FBF1: variants seen among roughly 807,000 people sequenced by gnomAD.
FBF1 encodes the protein fas-binding factor 1.
In FBF1, 119 loss-of-function variants were observed where a neutral mutation model predicts 147.2. That is an observed-to-expected ratio of 0.81 (90% CI 0.70 to 0.94). FBF1 has a LOEUF of 0.94. FBF1 is among the 40% of genes least tolerant of loss of function. The pLI is 0.00. For missense variants in FBF1, 1,449 were observed against 1,500.8 expected (o/e 0.97, Z 0.57); for synonymous variants, 601 against 609.0 (o/e 0.99, Z 0.19).
At chr17:75,933,879 T>G (rs185458115) in intron 4 of FBF1, among the ~76,000 whole-genome samples, 1 of 152,292 alleles carries the variant, frequency 6.6e-6, no homozygotes, top group Non-Finnish European at 1.5e-5. Context: ...TTACACCCTC[T>G]AGGATGGCAA....
chr17:75,920,835 G>T (rs1049964085), intron 17 of FBF1, among the ~76,000 whole-genome samples: 5 of 150,808 alleles, frequency 3.3e-5, no homozygotes, highest in East Asian at 1.9e-4. Context: ...ACTCCTGGGG[G>T]GGGGGGGGGC....
chr17:75,921,845 G>GACGGGA, intron 15 of FBF1, 100 bp downstream of exon 15: 1 of 1,087,320 alleles, frequency 9.2e-7, no homozygotes, highest in Non-Finnish European at 1.3e-6. Context: ...CGGGGACGGG[G>GACGGGA]CAGGGGCAGG....
intron 29 of FBF1, among the ~76,000 whole-genome samples, chr17:75,911,838 G>A (rs2065458372): frequency 6.6e-6 from 1 of 151,962 alleles, no homozygotes; most frequent in Non-Finnish European, 1.5e-5. Context: ...ATTTTGTAGA[G>A]ACGGTGTCTC....
Position 75,928,250 on chromosome 17 carries a change from CCACCTGAGAGAGATGGGCTGTTGG to C in FBF1, c.280-81_280-58del, listed in dbSNP as rs2065574216. On this transcript the variant is annotated intron_variant, in intron 7 of 29. Transcript: ENST00000636174. This position sits in a 1 kb window ranked among gnomAD's most constrained non-coding sequence, Gnocchi z 4.2. ...ATGTCTGATAAGGGGCTGAGGACTTCCACCTGAGAGAGATGGGCTGTTGGCACCCCAGGTGTAGAATTGTGAGAA... is the reference window on the plus strand; with the variant it reads ...ATGTCTGATAAGGGGCTGAGGACTTCCACCCCAGGTGTAGAATTGTGAGAA... 5 of 1,445,380 alleles carry C rather than the reference CCACCTGAGAGAGATGGGCTGTTGG, an allele frequency of 3.5e-6. No homozygotes were observed. Among genetic ancestry groups the C allele is most frequent in the Non-Finnish European group, 4.9e-6 (5 of 1,029,876 alleles). 89.5% of individuals were successfully genotyped at this position (1,445,380 alleles called of 1,614,324 possible).
rs2065532972 is a variant in FBF1 at position 75,922,321 on chromosome 17, G to C, written c.1425-275C>G. ...GACAACGGAAATGTTATAGACACTG[G>C]AGTCAAGTTCAAGTTCAGAGCCCTG... On this transcript the variant is annotated intron_variant, in intron 14 of 29. Coordinates refer to ENST00000636174, the MANE Select transcript of FBF1 (RefSeq NM_001319193.2). This position sits in a 1 kb window ranked among gnomAD's most constrained non-coding sequence, Gnocchi z 5.0. Among the ~76,000 whole-genome samples the C allele has an allele frequency of 1.3e-5, 2 of 152,100 alleles. No homozygotes were observed. The highest frequency in any genetic ancestry group is 6.6e-5 in the Admixed American group (1 of 15,266).
chr17:75,918,369 C>A lies in FBF1; in HGVS notation c.2139-100G>T. 2 of 945,590 alleles carry A rather than the reference C, an allele frequency of 2.1e-6. 1 individual carries two copies. 58.6% of individuals were successfully genotyped at this position (945,590 alleles called of 1,614,324 possible). On this transcript the variant is annotated intron_variant, in intron 20 of 29. Transcript: ENST00000636174. This position sits in a 1 kb window ranked among gnomAD's most constrained non-coding sequence, Gnocchi z 5.8. Reference sequence around the variant, plus strand: ...TGTGTTTCCGTGCAGCCCTTGCTCCCAGGCCTCTCCTCCGCCGGGCACTGC... The same window carrying A: ...TGTGTTTCCGTGCAGCCCTTGCTCCAAGGCCTCTCCTCCGCCGGGCACTGC...
At chr17:75,924,496 C>T (rs1302823323) in intron 13 of FBF1, among the ~76,000 whole-genome samples, 4 of 152,068 alleles carry the variant, frequency 2.6e-5, no homozygotes, top group South Asian at 2.1e-4. Context: ...TTTTTTGAGA[C>T]GGAGTCTCGC....
intron 6 of FBF1, among the ~76,000 whole-genome samples, chr17:75,930,690 G>A (rs938666035): frequency 1.7e-4 from 26 of 152,178 alleles, no homozygotes; most frequent in African/African-American, 5.1e-4. Context: ...TTGAGAGGCC[G>A]ATGTGGGTGG....
intron 23 of FBF1, among the ~76,000 whole-genome samples, 194 bp from the exon 24 acceptor site, chr17:75,915,333 G>C (rs2065482274): frequency 6.6e-6 from 1 of 152,190 alleles, no homozygotes; most frequent in South Asian, 2.1e-4. Context: ...CTGCCCAAGA[G>C]AAGGACCCAG....
At position 75,917,803 on chromosome 17, in the gene FBF1, GCTC is replaced by G. The variant is rs1211126845; in HGVS notation, c.2431_2433del (p.Glu811del). ...CCGATGACCTCCTGTTGCCGGCTCC[GCTC>G]CTCCTCCATGTCCCGCTGCTGCTGG... On this transcript the variant is annotated inframe_deletion, in exon 23 of 30. Transcript: ENST00000636174. The G allele has an allele frequency of 6.2e-7, 1 of 1,609,344 alleles. No homozygotes were observed. The highest frequency in any genetic ancestry group is 1.3e-5 in the African/African-American group (1 of 74,820).
chr17:75,910,023 C>T lies in FBF1; in HGVS notation c.*700G>A. 3.0e-6 allele frequency: 2 copies of T among 667,976 alleles called. No homozygotes were observed. The highest frequency in any genetic ancestry group is 5.5e-6 in the Non-Finnish European group (2 of 362,994). 41.4% of individuals were successfully genotyped at this position (667,976 alleles called of 1,614,324 possible). A position where few individuals can be genotyped will look rare whatever the true frequency, so the allele number is the denominator to read the frequency against. ...TTCCCTCCTCGTCCCTCCCCACACCCCACCATCGCCACAGCTCCCTCCGCC... is the reference window on the plus strand; with the variant it reads ...TTCCCTCCTCGTCCCTCCCCACACCTCACCATCGCCACAGCTCCCTCCGCC... On this transcript the variant is annotated 3_prime_UTR_variant, in exon 30 of 30. Coordinates refer to ENST00000636174, the MANE Select transcript of FBF1 (RefSeq NM_001319193.2). The surrounding 1 kb of genome is among the most constrained non-coding windows in gnomAD (Gnocchi z 4.1).
Position 75,925,353 on chromosome 17 carries a change from G to T in FBF1, c.962C>A (p.Ser321Tyr). 6.2e-7 allele frequency: 1 copy of T among 1,612,568 alleles called. No homozygotes were observed. Among genetic ancestry groups the T allele is most frequent in the South Asian group, 1.1e-5 (1 of 90,952 alleles). ...SSEGRQSRRQ[S>Y]VSRFFADSGA... ...TCCTGCAGGCCCCACTTACCTGACA[G>T]ACTGCCGGCGGGACTGCCGGCCCTC... The change falls in exon 13 of 30, where the codon TCT becomes TAT. Residue 321 changes from serine (S) to tyrosine (Y), a missense_variant. Physicochemically the swap from Ser to Tyr is moderately radical, Grantham distance 144. Transcript: ENST00000636174. This position sits in a 1 kb window ranked among gnomAD's most constrained non-coding sequence, Gnocchi z 5.0.
rs34602242 is a variant in FBF1, at chr17:75,938,555, CAAAAAA to C, written c.-83-329_-83-324del. Among the ~76,000 whole-genome samples the C allele has an allele frequency of 8.9e-3, 522 of 58,876 alleles. 3 individuals are homozygous for C. The highest frequency in any genetic ancestry group is 0.025 in the African/African-American group (385 of 15,322). 38.6% of individuals were successfully genotyped at this position (58,876 alleles called of 152,430 possible). A position where few individuals can be genotyped will look rare whatever the true frequency, so the allele number is the denominator to read the frequency against. On this transcript the variant is annotated intron_variant, in intron 1 of 29. Coordinates refer to ENST00000636174, the MANE Select transcript of FBF1 (RefSeq NM_001319193.2). ...TAGGCAACAGAGTGAGACTCCATCT[CAAAAAA>C]AAAAAAAAAAAAAAAAGAGACCGGG...
Position 75,928,179 on chromosome 17 carries a change from C to A in FBF1, c.294G>T (p.Met98Ile). The A allele has an allele frequency of 6.2e-7, 1 of 1,613,858 alleles. No individual in the cohort carries two copies. Among genetic ancestry groups the A allele is most frequent in the African/African-American group, 1.3e-5 (1 of 75,024 alleles). Residue 98 changes from methionine to isoleucine, a missense_variant, in exon 8 of 30, where the codon ATG becomes ATT. Coordinates refer to ENST00000636174, the MANE Select transcript of FBF1 (RefSeq NM_001319193.2). This position sits in a 1 kb window ranked among gnomAD's most constrained non-coding sequence, Gnocchi z 4.2. ...TCTTCAGACCTAAGATATCAGCATC[C>A]ATGCCGTCCAGGTCCTAGAAAACCA... Reference protein sequence around the residue: ...LLQAMKDLDGMDADILGLKKS... With the variant: ...LLQAMKDLDGIDADILGLKKS...
At position 75,940,977 on chromosome 17, in the gene FBF1, C is replaced by T. The variant is rs2065660572; in HGVS notation, c.-213G>A. ...GACCAGCGCCGGCCCTGGCTCCATT[C>T]GGGTCGCCCAGCCCGGCCAGGACTG... On this transcript the variant is annotated 5_prime_UTR_variant, in exon 1 of 30. Transcript: ENST00000636174. The T allele has an allele frequency of 6.6e-6, 1 of 152,312 alleles. No homozygotes were observed. The highest frequency in any genetic ancestry group is 1.5e-5 in the Non-Finnish European group (1 of 68,072). 9.4% of individuals were successfully genotyped at this position (152,312 alleles called of 1,614,324 possible).
Position 75,914,257 on chromosome 17 carries a change from G to A in FBF1, c.2856C>T (p.Ala952=). Residue 952 remains alanine, a synonymous_variant, in exon 26 of 30, where the codon GCC becomes GCT. Transcript: ENST00000636174. ...ELKIRASELR[A]EEKQLAAERA... The stretch of plus-strand genomic sequence containing the variant: ...TCTCCGCTGCCAGCTGCTTCTCCTC[G>A]GCCCGGAGCTCGCTGGCCCTGATCT... The A allele has an allele frequency of 2.5e-6, 4 of 1,593,738 alleles. No individual in the cohort carries two copies. Among genetic ancestry groups the A allele is most frequent in the Non-Finnish European group, 3.4e-6 (4 of 1,173,168 alleles).
chr17:75,933,440 T>A (rs1598161511), intron 4 of FBF1, among the ~76,000 whole-genome samples: 1 of 152,076 alleles, frequency 6.6e-6, no homozygotes, highest in Non-Finnish European at 1.5e-5. Flanking sequence ...TGGTGGTGGG[T>A]GCCTGTAATC....
At chr17:75,929,941 C>A in intron 7 of FBF1, 56 bp downstream of exon 7, 1 of 717,398 alleles carries the variant, frequency 1.4e-6, no homozygotes, top group South Asian at 1.5e-5. Flanking sequence ...TACAAAATAT[C>A]ATGACCCCAC....
rs781053338 is a variant in FBF1, at chr17:75,917,771, C to T, written c.2466G>A (p.Met822Ile). 1 of 1,610,228 alleles carries T rather than the reference C, an allele frequency of 6.2e-7. No homozygotes were observed. The highest frequency in any genetic ancestry group is 1.7e-5 in the Admixed American group (1 of 59,724). Residue 822 changes from methionine to isoleucine, a missense_variant, in exon 23 of 30, where the codon ATG becomes ATA. By Grantham distance (10) the Met-to-Ile change is conservative. Coordinates refer to ENST00000636174, the MANE Select transcript of FBF1 (RefSeq NM_001319193.2). Reference protein sequence around the residue: ...RSRQQEVIGKMEARLNEQSRL... With the variant: ...RSRQQEVIGKIEARLNEQSRL... ...GGCTCTGCTCATTCAGCCGTGCCTC[C>T]ATCTTCCCGATGACCTCCTGTTGCC...
Sources: gnomAD v4.1 joint callset for allele counts (sites outside exome capture counted in the v4.1 genomes callset) on GRCh38, gnomAD v4.1.1 for gene constraint, Gnocchi (gnomAD v3.1) non-coding constraint, MANE v1.5 for transcripts, NCBI Gene and HGNC (gene_info 2026-07-23, HGNC 2026-07-21) for gene names.